TTC27: variants seen among roughly 807,000 people sequenced by gnomAD.
TTC27 encodes tetratricopeptide repeat domain 27, also known as tetratricopeptide repeat protein 27.
A neutral mutation model predicts 115.9 loss-of-function variants in TTC27; 79 were observed. The ratio of observed to expected loss-of-function variants is 0.68; its 90% CI spans 0.57 to 0.82. TTC27 has a LOEUF of 0.82. Ranked by LOEUF, TTC27 falls within the 40% of genes least tolerant of loss-of-function variation. The pLI is 0.00. For missense variants in TTC27, 1,054 were observed against 993.1 expected, an observed-to-expected ratio of 1.06 and a Z score of -0.82; for synonymous variants, 401 against 356.0, an observed-to-expected ratio of 1.13 and a Z score of -1.42.
chr2:32,668,108 G>A lies in TTC27; in HGVS notation c.939+1340G>A, dbSNP rs370861337. Among the ~76,000 whole-genome samples, 87 of 151,906 alleles carry A rather than the reference G, an allele frequency of 5.7e-4. 2 individuals carry two copies. In the East Asian group the frequency reaches 0.01, roughly 18 times the overall value. On this transcript the variant is annotated intron_variant, in intron 7 of 19. Transcript: ENST00000317907. ...CAGGAGGCTGAGGCAGGAGAATGGC[G>A]TGAATCTGGGAGACGGAGCTTGCAG...
At chr2:32,665,462 T>C (rs1348124324) in intron 6 of TTC27, among the ~76,000 whole-genome samples, 2 of 152,218 alleles carry the variant, frequency 1.3e-5, no homozygotes, top group Non-Finnish European at 2.9e-5. Flanking sequence ...TAATACTTAA[T>C]TGTTGGTATA....
intron 13 of TTC27, among the ~76,000 whole-genome samples, chr2:32,764,281 C>T (rs1669546278): frequency 1.3e-5 from 2 of 151,946 alleles, no homozygotes; most frequent in African/African-American, 4.8e-5. Context: ...TCCAGGCCAC[C>T]GCAGTAAAGC....
intron 12 of TTC27, among the ~76,000 whole-genome samples, chr2:32,754,696 G>A (rs1669142560): frequency 6.6e-6 from 1 of 151,414 alleles, no homozygotes; most frequent in Admixed American, 6.6e-5. Context: ...GGGCAGAGGG[G>A]CTCCTCACTT....
intron 7 of TTC27, among the ~76,000 whole-genome samples, chr2:32,670,964 T>C (rs1429154210): frequency 9.5e-6 from 1 of 104,802 alleles, no homozygotes; most frequent in Non-Finnish European, 2.6e-5. Flanking sequence ...CTTATTGAGT[T>C]CTAAGAGTTC....
chr2:32,798,288 T>C (rs1268283244), intron 16 of TTC27, among the ~76,000 whole-genome samples: 2 of 151,358 alleles, frequency 1.3e-5, no homozygotes, highest in Non-Finnish European at 2.9e-5. Flanking sequence ...TAGTCCCAGC[T>C]ATTTGGGAGA....
chr2:32,654,402 CT>C (rs1015648577), intron 5 of TTC27, among the ~76,000 whole-genome samples: 1 of 151,728 alleles, frequency 6.6e-6, no homozygotes, highest in African/African-American at 2.4e-5. Context: ...TAAAAAACAG[CT>C]TTTTTTTCAA....
chr2:32,700,533 C>G (rs1407811494), intron 9 of TTC27, among the ~76,000 whole-genome samples: 1 of 151,948 alleles, frequency 6.6e-6, no homozygotes, highest in East Asian at 1.9e-4. Flanking sequence ...AAGTCTTTTC[C>G]TTTGAAAAAA....
At position 32,679,000 on chromosome 2, in the gene TTC27, T is replaced by C. The variant is rs1351096189; in HGVS notation, c.1119+78T>C. 2.3e-6 allele frequency: 3 copies of C among 1,296,174 alleles called. No individual in the cohort carries two copies. The East Asian group carries it at 7.0e-5, about 30-fold the overall frequency. The allele number at this position is 1,296,174 out of a possible 1,614,324, so 80.3% of individuals were successfully genotyped here. On this transcript the variant is annotated intron_variant, in intron 9 of 19. Transcript: ENST00000317907. ...CCTCTGGTATGGTCTTGCCTTGGAT[T>C]GTTTATGTTGAAACACTGCCACCTA...
Position 32,723,971 on chromosome 2 carries a change from C to CTTTTTTTTT in TTC27, c.1234-9848_1234-9840dup, listed in dbSNP as rs36120062. ...TGAGCCACCAGCTGGCATACATAAGCTTTTTTTTTTTTTTTTTATAGAAAG... is the reference window on the plus strand; with the variant it reads ...TGAGCCACCAGCTGGCATACATAAGCTTTTTTTTTTTTTTTTTTTTTTTTTTATAGAAAG... On this transcript the variant is annotated intron_variant, in intron 10 of 19. Coordinates refer to ENST00000317907, the MANE Select transcript of TTC27 (RefSeq NM_017735.5). Among the ~76,000 whole-genome samples, 62 of 92,418 alleles carry CTTTTTTTTT rather than the reference C, an allele frequency of 6.7e-4. 3 individuals carry two copies. Among genetic ancestry groups the CTTTTTTTTT allele is most frequent in the African/African-American group, 1.9e-3 (45 of 24,040 alleles). 60.6% of individuals were successfully genotyped at this position (92,418 alleles called of 152,430 possible). A position where few individuals can be genotyped will look rare whatever the true frequency, so the allele number is the denominator to read the frequency against.
At chr2:32,639,213 C>G (rs1370225105) in intron 3 of TTC27, among the ~76,000 whole-genome samples, 2 of 152,150 alleles carry the variant, frequency 1.3e-5, no homozygotes, top group African/African-American at 4.8e-5. Flanking sequence ...TGCTCACAAA[C>G]TAATGAGAAG....
At chr2:32,793,943 A>G (rs1156890272) in intron 16 of TTC27, among the ~76,000 whole-genome samples, 3 of 152,132 alleles carry the variant, frequency 2.0e-5, no homozygotes, top group South Asian at 2.1e-4. Context: ...TTGTAGCTCC[A>G]TATTTTGCTT....
intron 17 of TTC27, among the ~76,000 whole-genome samples, chr2:32,811,978 C>T (rs1227418129): frequency 6.6e-6 from 1 of 152,172 alleles, no homozygotes; most frequent in Non-Finnish European, 1.5e-5. Flanking sequence ...ACGTGTATCA[C>T]CTGCACACAT....
chr2:32,652,624 C>T (rs569076079), intron 5 of TTC27, among the ~76,000 whole-genome samples: 61 of 152,240 alleles, frequency 4.0e-4, no homozygotes, highest in East Asian at 1.9e-3. Context: ...GGCTAATCAA[C>T]GGCACTTTTC....
At chr2:32,644,613 G>C (rs923436375) in intron 4 of TTC27, among the ~76,000 whole-genome samples, 2 of 151,742 alleles carry the variant, frequency 1.3e-5, no homozygotes, top group Non-Finnish European at 2.9e-5. Context: ...TTTGAGATGG[G>C]AGACAGGGTC....
intron 10 of TTC27, among the ~76,000 whole-genome samples, chr2:32,709,581 T>C (rs370865514): frequency 9.8e-5 from 15 of 152,330 alleles, no homozygotes; most frequent in East Asian, 3.9e-4. Flanking sequence ...ATCCGAGGTG[T>C]TGGCTCAGTA....
rs1346164841 is a variant in TTC27, at chr2:32,643,587, G to A, written c.537+3177G>A. On this transcript the variant is annotated intron_variant, in intron 4 of 19. Transcript: ENST00000317907. The stretch of plus-strand genomic sequence containing the variant: ...CTTCCAAAGTGCTAGGATTACAGGC[G>A]TGAGCCACTGTGCCCAGCTACTTTA... 2.6e-5 allele frequency among the ~76,000 whole-genome samples: 4 copies of A among 151,942 alleles called. 1 individual carries two copies. Among genetic ancestry groups the A allele is most frequent in the Admixed American group, 2.0e-4 (3 of 15,240 alleles).
intron 9 of TTC27, among the ~76,000 whole-genome samples, chr2:32,698,504 G>A (rs1310591550): frequency 7.2e-6 from 1 of 138,770 alleles, no homozygotes; most frequent in Admixed American, 7.5e-5. Context: ...TTTTGAGATG[G>A]AGTCTCGCTC....
intron 13 of TTC27, among the ~76,000 whole-genome samples, chr2:32,762,949 A>G (rs948368169): frequency 6.6e-6 from 1 of 152,160 alleles, no homozygotes. Flanking sequence ...CCAATAGCCT[A>G]GTTTTTAGCC....
At chr2:32,811,564 G>T (rs1671317906) in intron 17 of TTC27, among the ~76,000 whole-genome samples, 1 of 152,168 alleles carries the variant, frequency 6.6e-6, no homozygotes. Flanking sequence ...AAAGACTACA[G>T]TAGATGGGTA....
Sources: allele counts gnomAD v4.1 joint callset (sites outside exome capture counted in the v4.1 genomes callset), GRCh38; gene constraint gnomAD v4.1.1; transcripts MANE v1.5; gene names NCBI Gene and HGNC (gene_info 2026-07-23, HGNC 2026-07-21).